Variants in KALRN observed in about 807,000 individuals in gnomAD.
KALRN encodes kalirin RhoGEF kinase.
Under a neutral mutation model 353.7 loss-of-function variants are expected in KALRN, and 70 were observed. The observed-to-expected ratio is 0.20, with a 90% confidence interval of 0.16 to 0.24. KALRN has a LOEUF of 0.24. Among genes scored for constraint, KALRN ranks in the 10% least tolerant of loss-of-function variants. The pLI, the probability that KALRN is intolerant of heterozygous loss-of-function variation, is 1.00. For missense variants in KALRN, 2,791 were observed against 3,756.7 expected (o/e 0.74, Z 6.72); for synonymous variants, 1,391 against 1,434.8 (o/e 0.97, Z 0.69).
At chr3:124,554,552 T>TG (rs1438749005) in intron 33 of KALRN, among the ~76,000 whole-genome samples, 1 of 152,244 alleles carries the variant, frequency 6.6e-6, no homozygotes, top group Non-Finnish European at 1.5e-5. Flanking sequence ...TGTTCTTTTT[T>TG]CATGGATACA....
Position 124,490,699 on chromosome 3 carries a change from G to A in KALRN, c.4402G>A (p.Asp1468Asn), listed in dbSNP as rs1561116630. The A allele has an allele frequency of 6.2e-7, 1 of 1,612,278 alleles. No individual in the cohort carries two copies. The highest frequency in any genetic ancestry group is 8.5e-7 in the Non-Finnish European group (1 of 1,179,438). ...AMHVSMLEGF[D>N]ENLDVQGELI... ...TGGAAATGGATGTTTTTCAGGGTTC[G>A]ACGAGAACCTGGATGTGCAGGGGGA... The change falls in exon 30 of 60, where the codon GAC becomes AAC. Residue 1468 changes from aspartate (D) to asparagine (N), a missense_variant. Physicochemically the swap from Asp to Asn is conservative, Grantham distance 23 (BLOSUM62 1). This residue lies in a region of KALRN where 239 missense variants were observed against 351.3 expected (regional missense o/e 0.68). Coordinates refer to ENST00000682506, the MANE Select transcript of KALRN (RefSeq NM_001388419.1).
chr3:124,148,649 GAGA>G (rs1345299479), intron 1 of KALRN, among the ~76,000 whole-genome samples: 1 of 152,080 alleles, frequency 6.6e-6, no homozygotes, highest in Non-Finnish European at 1.5e-5. Context: ...TGAAATTAAG[GAGA>G]AGATTATTGC....
intron 1 of KALRN, among the ~76,000 whole-genome samples, chr3:124,199,302 A>G (rs545608078): frequency 6.6e-6 from 1 of 152,138 alleles, no homozygotes; most frequent in South Asian, 2.1e-4. Flanking sequence ...CACACTCCAC[A>G]CCACCCCAGA....
chr3:124,235,049 C>G, intron 3 of KALRN, 106 bp downstream of exon 3: 1 of 732,950 alleles, frequency 1.4e-6, no homozygotes, highest in Non-Finnish European at 2.4e-6. Flanking sequence ...GGTTTCTGCT[C>G]TTCCAGTGGA....
intron 1 of KALRN, among the ~76,000 whole-genome samples, chr3:124,045,150 G>A (rs1053684610): frequency 6.6e-6 from 1 of 152,056 alleles, no homozygotes; most frequent in Non-Finnish European, 1.5e-5. Flanking sequence ...CGGGAGACTG[G>A]CAGATGGTTA....
At chr3:124,641,374 G>A (rs1010469299) in intron 37 of KALRN, among the ~76,000 whole-genome samples, 1 of 152,148 alleles carries the variant, frequency 6.6e-6, no homozygotes, top group African/African-American at 2.4e-5. Context: ...TTTGCATTAA[G>A]GGATTATCTT....
At chr3:124,618,263 C>T (rs1181056513) in intron 34 of KALRN, among the ~76,000 whole-genome samples, 1 of 150,222 alleles carries the variant, frequency 6.7e-6, no homozygotes, top group African/African-American at 2.4e-5. Flanking sequence ...GCGCCTGCCA[C>T]CACGCCCAGC....
Position 124,334,555 on chromosome 3 carries a change from T to G in KALRN, c.1647+60T>G. 8.1e-7 allele frequency: 1 copy of G among 1,232,882 alleles called. No individual in the cohort carries two copies. The highest frequency in any genetic ancestry group is 1.3e-5 in the South Asian group (1 of 74,874). 76.4% of individuals were successfully genotyped at this position (1,232,882 alleles called of 1,614,324 possible). A position where few individuals can be genotyped will look rare whatever the true frequency, so the allele number is the denominator to read the frequency against. On this transcript the variant is annotated intron_variant, in intron 9 of 59. Coordinates refer to ENST00000682506, the MANE Select transcript of KALRN (RefSeq NM_001388419.1). This position sits in a 1 kb window ranked among gnomAD's most constrained non-coding sequence, Gnocchi z 4.2. Reference sequence around the variant, plus strand: ...TTCTAGGAGGCAGACCGAGCTCAAGTCCCTGACCTAGGTGATCAGGCTTAG... The same window carrying G: ...TTCTAGGAGGCAGACCGAGCTCAAGGCCCTGACCTAGGTGATCAGGCTTAG...
chr3:124,479,381 C>T (rs1159856707), intron 27 of KALRN, among the ~76,000 whole-genome samples: 1 of 152,188 alleles, frequency 6.6e-6, no homozygotes, highest in Non-Finnish European at 1.5e-5. Flanking sequence ...GTAAACTCTC[C>T]GGATTGCTTT....
At chr3:124,319,866 C>T (rs1019044883) in intron 6 of KALRN, among the ~76,000 whole-genome samples, 1 of 151,906 alleles carries the variant, frequency 6.6e-6, no homozygotes, top group East Asian at 1.9e-4. Flanking sequence ...TGGTGACATG[C>T]GCCTGTAATC....
At chr3:124,286,073 T>TCCTTC (rs1243794625) in intron 5 of KALRN, among the ~76,000 whole-genome samples, 3 of 108,112 alleles carry the variant, frequency 2.8e-5, no homozygotes, top group Admixed American at 1.0e-4. Flanking sequence ...TTTCTTTCTT[T>TCCTTC]CTTTCCTTCC....
intron 1 of KALRN, among the ~76,000 whole-genome samples, chr3:124,101,245 G>A (rs947751028): frequency 6.6e-5 from 10 of 152,182 alleles, no homozygotes; most frequent in African/African-American, 2.4e-4. Flanking sequence ...ATTGCTCTCA[G>A]TTCAGGCTGC....
At chr3:124,181,182 CAGAGATTGCAGTA>C (rs1208749886) in intron 1 of KALRN, among the ~76,000 whole-genome samples, 24 of 150,414 alleles carry the variant, frequency 1.6e-4, no homozygotes, top group Non-Finnish European at 1.6e-4. Flanking sequence ...ACCTGGGCGA[CAGAGATTGCAGTA>C]AGCCAAGATC....
At chr3:124,590,011 C>G (rs1475849501) in intron 34 of KALRN, among the ~76,000 whole-genome samples, 1 of 151,866 alleles carries the variant, frequency 6.6e-6, no homozygotes, top group Non-Finnish European at 1.5e-5. Flanking sequence ...TTCTATCTTT[C>G]TTTTTTCTTT....
chr3:124,035,481 C>T (rs965693103), intron 1 of KALRN, among the ~76,000 whole-genome samples: 2 of 152,146 alleles, frequency 1.3e-5, no homozygotes, highest in African/African-American at 4.8e-5. Context: ...AGGGAAAAAT[C>T]TTGAAGTGTG....
intron 1 of KALRN, among the ~76,000 whole-genome samples, chr3:124,076,864 C>T (rs1238540793): frequency 2.0e-5 from 3 of 152,212 alleles, no homozygotes; most frequent in Admixed American, 6.5e-5. Context: ...GCTTCAAGAA[C>T]AGCGGCAAAT....
chr3:124,713,743 C>G (rs2063000441), intron 58 of KALRN, among the ~76,000 whole-genome samples: 1 of 152,164 alleles, frequency 6.6e-6, no homozygotes. Flanking sequence ...ATAAATATCA[C>G]AGAGATTAAA....
intron 34 of KALRN, among the ~76,000 whole-genome samples, chr3:124,602,948 T>G (rs79688315): frequency 0.17 from 6,785 of 39,332 alleles, 195 homozygotes; most frequent in Middle Eastern, 0.32. Context: ...TGGTTTTTTT[T>G]TTGTTGTTGT....
At chr3:124,166,550 T>C (rs921503040) in intron 1 of KALRN, among the ~76,000 whole-genome samples, 36 of 152,114 alleles carry the variant, frequency 2.4e-4, no homozygotes, top group African/African-American at 8.7e-4. Flanking sequence ...AATTATATTA[T>C]GTCTCTCCCT....
Sources: allele counts gnomAD v4.1 joint callset (sites outside exome capture counted in the v4.1 genomes callset), GRCh38; gene constraint gnomAD v4.1.1; regional missense constraint gnomAD v4.1.1; non-coding constraint Gnocchi (gnomAD v3.1); transcripts MANE v1.5; gene names NCBI Gene and HGNC (gene_info 2026-07-23, HGNC 2026-07-21).